The following YIPF7 variants were observed in gnomAD, a reference collection of about 807,000 sequenced individuals.
YIPF7 encodes the protein Yip1 domain family member 7.
A neutral mutation model predicts 27.2 loss-of-function variants in YIPF7; 35 were observed. The observed-to-expected ratio is 1.29, with a 90% CI of 0.98 to 1.70. The LOEUF is 1.70. YIPF7 is among the 40% of genes most tolerant of loss of function. YIPF7 has a pLI of 0.00. For synonymous variants in YIPF7, 137 were observed against 110.4 expected (o/e 1.24, Z -1.51); for missense variants, 358 against 303.7 (o/e 1.18, Z -1.33).
intron 2 of YIPF7, among the ~76,000 whole-genome samples, chr4:44,639,011 C>A (rs1354537378): frequency 2.6e-5 from 4 of 152,038 alleles, no homozygotes; most frequent in Admixed American, 2.6e-4. Context: ...AATATGTGAC[C>A]TTATTTACAT....
At chr4:44,640,757 T>C (rs2109590761) in intron 2 of YIPF7, among the ~76,000 whole-genome samples, 1 of 152,322 alleles carries the variant, frequency 6.6e-6, no homozygotes, top group East Asian at 1.9e-4. Context: ...ACCTGCTTCC[T>C]GCACTGGTGG....
Position 44,650,028 on chromosome 4 carries a change from C to T in YIPF7, c.73G>A (p.Gly25Ser). Reference sequence around the variant, plus strand: ...TTTCCATAGGCATTAGAGTCATTACCACTCTGCTCCTGGTTATCAATAGTA... The same window carrying T: ...TTTCCATAGGCATTAGAGTCATTACTACTCTGCTCCTGGTTATCAATAGTA... ...NFTIDNQEQS[G>S]NDSNAYGNLY... The change falls in exon 2 of 6, where the codon GGT becomes AGT. Residue 25 changes from glycine (G) to serine (S), a missense_variant. Gly to Ser is a moderately conservative substitution (Grantham distance 56, BLOSUM62 0). Transcript: ENST00000415895. 1.3e-6 allele frequency: 2 copies of T among 1,589,416 alleles called. No individual in the cohort carries two copies. Among genetic ancestry groups the T allele is most frequent in the Non-Finnish European group, 1.7e-6 (2 of 1,166,600 alleles).
chr4:44,652,632 A>G (rs1713770040), upstream of YIPF7, among the ~76,000 whole-genome samples: 9 of 152,188 alleles, frequency 5.9e-5, no homozygotes, highest in Admixed American at 3.9e-4. Flanking sequence ...ACAATTGGTC[A>G]CACATTTTAT....
upstream of YIPF7, among the ~76,000 whole-genome samples, chr4:44,653,285 T>C (rs898708632): frequency 1.4e-4 from 22 of 152,206 alleles, no homozygotes; most frequent in Admixed American, 1.0e-3. Flanking sequence ...GTCTAAAGGT[T>C]ACATAATTGA....
At chr4:44,651,741 T>G, upstream of YIPF7, 1 of 548,814 alleles carries the variant, frequency 1.8e-6, no homozygotes, top group Non-Finnish European at 3.1e-6. Context: ...ATACAGTATC[T>G]TATAACACTT....
At chr4:44,637,751 C>A (rs1040941178) in intron 2 of YIPF7, among the ~76,000 whole-genome samples, 1 of 152,182 alleles carries the variant, frequency 6.6e-6, no homozygotes. Context: ...CCCCTCCCAT[C>A]CTTTCTCTCG....
chr4:44,658,648 G>GTAGACTA (rs1261538813), intron 2 of YIPF7, among the ~76,000 whole-genome samples: 1 of 152,172 alleles, frequency 6.6e-6, no homozygotes, highest in Non-Finnish European at 1.5e-5. Flanking sequence ...GAAAACAACG[G>GTAGACTA]TAGACTATTT....
At position 44,635,977 on chromosome 4, in the gene YIPF7, A is replaced by G. The variant is rs753456896; in HGVS notation, c.225T>C (p.Tyr75=). The change falls in exon 3 of 6, where the codon TAT becomes TAC. Residue 75 remains tyrosine (Y), a synonymous_variant. Transcript: ENST00000415895. The stretch of plus-strand genomic sequence containing the variant: ...TGTCAATGTAAGGAGATTGTGAATA[A>G]TAATCTGAGTTGGATGCTGGCTGAA... ...QFFQPASNSD[Y]YSQSPYIDSF... is the part of the protein sequence containing the mutation. 1.2e-6 allele frequency: 2 copies of G among 1,613,810 alleles called. No homozygotes were observed. The highest frequency in any genetic ancestry group is 1.3e-5 in the African/African-American group (1 of 74,938).
intron 2 of YIPF7, among the ~76,000 whole-genome samples, chr4:44,659,216 T>C (rs937465650): frequency 6.6e-6 from 1 of 151,828 alleles, no homozygotes; most frequent in African/African-American, 2.4e-5. Flanking sequence ...TTAAGTGCAG[T>C]AATAAATTAT....
At chr4:44,652,826 A>G (rs1432514935), upstream of YIPF7, among the ~76,000 whole-genome samples, 1 of 152,218 alleles carries the variant, frequency 6.6e-6, no homozygotes, top group Non-Finnish European at 1.5e-5. Flanking sequence ...AACCTGATGA[A>G]GTATTATTAT....
chr4:44,636,182 T>G, intron 2 of YIPF7, 97 bp from the exon 3 acceptor site: 1 of 1,287,576 alleles, frequency 7.8e-7, no homozygotes, highest in Middle Eastern at 2.0e-4. Flanking sequence ...TTCATGTAGT[T>G]TTTATGAGTA....
chr4:44,655,030 G>A (rs974011364), upstream of YIPF7, among the ~76,000 whole-genome samples: 3 of 151,948 alleles, frequency 2.0e-5, no homozygotes, highest in Non-Finnish European at 2.9e-5. Flanking sequence ...GAATCAATAG[G>A]AATTTCCATC....
At chr4:44,650,503 G>GTGCA (rs1553873585) in intron 1 of YIPF7, among the ~76,000 whole-genome samples, 1 of 71,038 alleles carries the variant, frequency 1.4e-5, no homozygotes, top group African/African-American at 5.6e-5. Flanking sequence ...ATGCGCGCGC[G>GTGCA]CGCGCACACA....
intron 4 of YIPF7, 94 bp downstream of exon 4, chr4:44,629,309 G>T: frequency 7.7e-7 from 1 of 1,298,418 alleles, no homozygotes; most frequent in Admixed American, 3.8e-5. Flanking sequence ...ACTATGTAAG[G>T]TGACACAGTT....
At position 44,624,582 on chromosome 4, in the gene YIPF7, A is replaced by G. The variant is rs372385431; in HGVS notation, c.608+19T>C. On this transcript the variant is annotated intron_variant, in intron 5 of 5. Coordinates refer to ENST00000415895, the MANE Select transcript of YIPF7 (RefSeq NM_182592.3). Reference sequence around the variant, plus strand: ...TATGATTGTGCATGTGGGGTCATTGAGAGCACACAGACACTTACTGCAGTG... The same window carrying G: ...TATGATTGTGCATGTGGGGTCATTGGGAGCACACAGACACTTACTGCAGTG... The G allele has an allele frequency of 1.4e-3, 2,113 of 1,555,908 alleles. 1 individual carries two copies. The highest frequency in any genetic ancestry group is 1.6e-3 in the Non-Finnish European group (1,888 of 1,152,030).
At chr4:44,627,206 C>G (rs1712690661) in intron 4 of YIPF7, among the ~76,000 whole-genome samples, 1 of 152,098 alleles carries the variant, frequency 6.6e-6, no homozygotes, top group Non-Finnish European at 1.5e-5. Flanking sequence ...AAGTTTTAAA[C>G]CATTTGTCTT....
chr4:44,636,194 T>A, intron 2 of YIPF7, 109 bp from the exon 3 acceptor site: 5 of 1,151,028 alleles, frequency 4.3e-6, no homozygotes, highest in Non-Finnish European at 5.9e-6. Context: ...TTATGAGTAT[T>A]TACTCATGAA....
upstream of YIPF7, among the ~76,000 whole-genome samples, chr4:44,656,261 A>G (rs1452984849): frequency 6.6e-6 from 1 of 152,024 alleles, no homozygotes; most frequent in East Asian, 1.9e-4. Flanking sequence ...CATTTAGCAA[A>G]TTGATGTAAT....
chr4:44,648,172 A>T (rs570737179), intron 2 of YIPF7, among the ~76,000 whole-genome samples: 1 of 152,240 alleles, frequency 6.6e-6, no homozygotes, highest in South Asian at 2.1e-4. Flanking sequence ...CTCATGCAAA[A>T]TGGGGATGAT....
Sources: gnomAD v4.1 joint callset for allele counts (sites outside exome capture counted in the v4.1 genomes callset) on GRCh38, gnomAD v4.1.1 for gene constraint, MANE v1.5 for transcripts, NCBI Gene and HGNC (gene_info 2026-07-23, HGNC 2026-07-21) for gene names.